KCNU1: variants seen among roughly 807,000 people sequenced by gnomAD.
KCNU1 encodes the protein potassium channel subfamily U member 1.
A neutral mutation model predicts 126.8 loss-of-function variants in KCNU1; 93 were observed. That is an observed-to-expected ratio of 0.73 (90% CI 0.62 to 0.87). KCNU1 has a LOEUF of 0.87. Ranked by LOEUF, KCNU1 falls within the 40% of genes least tolerant of loss-of-function variation. The pLI is 0.00. For missense variants in KCNU1, 1,330 were observed against 1,367.1 expected, an observed-to-expected ratio of 0.97 and a Z score of 0.43; for synonymous variants, 523 against 494.2, an observed-to-expected ratio of 1.06 and a Z score of -0.77.
Position 36,860,906 on chromosome 8 carries a change from G to A in KCNU1, c.1892-3498G>A, listed in dbSNP as rs551488604. On this transcript the variant is annotated intron_variant, in intron 18 of 26. Transcript: ENST00000399881. The stretch of plus-strand genomic sequence containing the variant: ...ACAGTTTTCTTTAGGTTTGGCCCTG[G>A]GTCACTTTTTTTTTTTTTTATAAAC... Among the ~76,000 whole-genome samples, 16 of 151,488 alleles carry A rather than the reference G, an allele frequency of 1.1e-4. No individual in the cohort carries two copies. In the South Asian group the frequency reaches 2.9e-3, roughly 28 times the overall value.
chr8:36,918,045 C>T (rs1414230839), intron 22 of KCNU1, among the ~76,000 whole-genome samples: 1 of 152,176 alleles, frequency 6.6e-6, no homozygotes, highest in Non-Finnish European at 1.5e-5. Flanking sequence ...TCCTAAAGCA[C>T]TCATGGGGAC....
At chr8:36,912,071 T>C (rs1274842010) in intron 22 of KCNU1, among the ~76,000 whole-genome samples, 1 of 152,206 alleles carries the variant, frequency 6.6e-6, no homozygotes. Context: ...GCTATGTTCC[T>C]TGGGGACAAT....
At chr8:36,860,531 C>T (rs944760626) in intron 18 of KCNU1, among the ~76,000 whole-genome samples, 1 of 152,084 alleles carries the variant, frequency 6.6e-6, no homozygotes, top group African/African-American at 2.4e-5. Context: ...AGTTCACTAC[C>T]TGCTATTTCT....
intron 19 of KCNU1, among the ~76,000 whole-genome samples, chr8:36,868,724 T>A (rs1805997498): frequency 6.6e-6 from 1 of 152,194 alleles, no homozygotes; most frequent in Non-Finnish European, 1.5e-5. Flanking sequence ...AAAGACTGTT[T>A]AATAGATGGT....
chr8:36,908,090 AC>A (rs916305519), intron 20 of KCNU1, among the ~76,000 whole-genome samples: 3 of 152,092 alleles, frequency 2.0e-5, no homozygotes, highest in African/African-American at 7.2e-5. Flanking sequence ...ATGTCTTCTG[AC>A]TCCGAGTCCA....
intron 19 of KCNU1, among the ~76,000 whole-genome samples, chr8:36,896,753 G>T (rs1807207223): frequency 6.6e-6 from 1 of 152,024 alleles, no homozygotes; most frequent in Non-Finnish European, 1.5e-5. Context: ...GCTTAGACAT[G>T]ATTGGGAATC....
At chr8:36,893,514 C>A (rs925448145) in intron 19 of KCNU1, among the ~76,000 whole-genome samples, 1 of 151,944 alleles carries the variant, frequency 6.6e-6, no homozygotes, top group African/African-American at 2.4e-5. Flanking sequence ...GTAACATATT[C>A]TGTGAATAAG....
Position 36,815,607 on chromosome 8 carries a change from G to A in KCNU1, c.915G>A (p.Ala305=), listed in dbSNP as rs766597978. Residue 305 remains alanine, a synonymous_variant, in exon 9 of 27, where the codon GCG becomes GCA. Transcript: ENST00000399881. The stretch of plus-strand genomic sequence containing the variant: ...CTGATCAATTTTAGATATTATTTGC[G>A]AACTATATACCTGAAATGGTGGAAC... ...FFTLGSLILF[A]NYIPEMVELF... 48 of 1,562,142 alleles carry A rather than the reference G, an allele frequency of 3.1e-5. No individual in the cohort carries two copies. Among genetic ancestry groups the A allele is most frequent in the African/African-American group, 5.5e-5 (4 of 72,980 alleles).
chr8:36,896,809 A>T (rs915447054), intron 19 of KCNU1, among the ~76,000 whole-genome samples: 1 of 152,066 alleles, frequency 6.6e-6, no homozygotes, highest in Non-Finnish European at 1.5e-5. Context: ...GATTATAGGA[A>T]AACATTTCTT....
Position 36,852,103 on chromosome 8 carries a change from A to AT in KCNU1, c.1891+6212dup, listed in dbSNP as rs536054048. The stretch of plus-strand genomic sequence containing the variant: ...CTCATGAATGGCTTTGATGTTTGTC[A>AT]TTTTTTTTGCTTTGTTGAGATAATT... On this transcript the variant is annotated intron_variant, in intron 18 of 26. Coordinates refer to ENST00000399881, the MANE Select transcript of KCNU1 (RefSeq NM_001031836.3). 4.6e-4 allele frequency among the ~76,000 whole-genome samples: 69 copies of AT among 151,282 alleles called. 1 individual carries two copies. The South Asian group carries it at 6.1e-3, about 13-fold the overall frequency.
At chr8:36,929,387 CA>C (rs35835813) in intron 24 of KCNU1, among the ~76,000 whole-genome samples, 3,471 of 99,276 alleles carry the variant, frequency 0.035, 110 homozygotes, top group African/African-American at 0.12. Context: ...GACCCTGTCT[CA>C]AAAAAAAAAA....
chr8:36,858,438 G>T (rs1261722025), intron 18 of KCNU1, among the ~76,000 whole-genome samples: 1 of 151,962 alleles, frequency 6.6e-6, no homozygotes, highest in Non-Finnish European at 1.5e-5. Context: ...TAGAGGAAGG[G>T]CCCATATAAA....
intron 18 of KCNU1, among the ~76,000 whole-genome samples, chr8:36,857,876 C>T (rs1162717482): frequency 6.6e-6 from 1 of 152,048 alleles, no homozygotes; most frequent in Non-Finnish European, 1.5e-5. Context: ...GAACTCCTGA[C>T]CTCAGGTGAG....
intron 2 of KCNU1, among the ~76,000 whole-genome samples, chr8:36,792,020 C>G (rs1380299728): frequency 1.3e-5 from 2 of 152,274 alleles, no homozygotes; most frequent in African/African-American, 4.8e-5. Context: ...AAACACTACA[C>G]TATCTTCCTA....
chr8:36,833,106 CTTT>C (rs1804614379), intron 10 of KCNU1, among the ~76,000 whole-genome samples: 2 of 151,964 alleles, frequency 1.3e-5, no homozygotes, highest in Non-Finnish European at 2.9e-5. Flanking sequence ...TTTGTGTGTT[CTTT>C]ATAAAAATTA....
chr8:36,935,609 A>C lies in KCNU1; in HGVS notation c.3139A>C (p.Asn1047His). Residue 1047 changes from asparagine to histidine, a missense_variant, in exon 27 of 27, where the codon AAT becomes CAT. This residue lies in a region of KCNU1 where 1,054 missense variants were observed against 1,053.9 expected (regional missense o/e 1.00). Transcript: ENST00000399881. ...CTTCAGCACTGCTTGTTATAAAAGG[A>C]ATGAAGAGTTCTCATTGCAAAAGTC... The part of the protein sequence containing the change: ...IPFSTACYKR[N>H]EEFSLQKSYE... 1 of 1,613,334 alleles carries C rather than the reference A, an allele frequency of 6.2e-7. No individual in the cohort carries two copies. The highest frequency in any genetic ancestry group is 8.5e-7 in the Non-Finnish European group (1 of 1,179,450).
intron 25 of KCNU1, among the ~76,000 whole-genome samples, chr8:36,931,792 G>T (rs897375141): frequency 6.6e-6 from 1 of 152,056 alleles, no homozygotes; most frequent in African/African-American, 2.4e-5. Context: ...TGGCTGCACT[G>T]GCCAGTGGAA....
At chr8:36,917,755 A>G (rs773510738) in intron 22 of KCNU1, among the ~76,000 whole-genome samples, 2 of 152,172 alleles carry the variant, frequency 1.3e-5, no homozygotes, top group African/African-American at 4.8e-5. Flanking sequence ...ATAAAGCTGT[A>G]TCAGGCCAGT....
At chr8:36,881,229 C>T (rs763258977) in intron 19 of KCNU1, among the ~76,000 whole-genome samples, 7 of 152,102 alleles carry the variant, frequency 4.6e-5, no homozygotes, top group Non-Finnish European at 8.8e-5. Flanking sequence ...AAAGGCCAGC[C>T]AACTGTTTTT....
Sources: allele counts gnomAD v4.1 joint callset (sites outside exome capture counted in the v4.1 genomes callset), GRCh38; gene constraint gnomAD v4.1.1; regional missense constraint gnomAD v4.1.1; transcripts MANE v1.5; gene names NCBI Gene and HGNC (gene_info 2026-07-23, HGNC 2026-07-21).